SEMA5A: variants seen among roughly 807,000 people sequenced by gnomAD.
SEMA5A encodes the protein semaphorin-5A.
A neutral mutation model predicts 135.5 loss-of-function variants in SEMA5A; 55 were observed. That is an observed-to-expected ratio of 0.41 (90% CI 0.33 to 0.51). SEMA5A has a LOEUF of 0.51. SEMA5A is among the 20% of genes least tolerant of loss of function. The pLI, the probability that SEMA5A is intolerant of heterozygous loss-of-function variation, is 0.37. For missense variants in SEMA5A, 1,290 were observed against 1,419.9 expected (o/e 0.91, Z 1.47); for synonymous variants, 580 against 546.5 (o/e 1.06, Z -0.85).
At chr5:9,376,353 C>T (rs1755363039) in intron 3 of SEMA5A, among the ~76,000 whole-genome samples, 1 of 152,208 alleles carries the variant, frequency 6.6e-6, no homozygotes, top group African/African-American at 2.4e-5. Flanking sequence ...GGGCTTATCA[C>T]TTGCTCTTTT....
chr5:9,405,032 G>A (rs1246843692), intron 2 of SEMA5A, among the ~76,000 whole-genome samples: 1 of 152,158 alleles, frequency 6.6e-6, no homozygotes, highest in Admixed American at 6.5e-5. Flanking sequence ...GCAAATTCTA[G>A]AGTTACAGAA....
At chr5:9,262,785 T>C (rs1749459379) in intron 5 of SEMA5A, among the ~76,000 whole-genome samples, 1 of 111,168 alleles carries the variant, frequency 9.0e-6, no homozygotes, top group Non-Finnish European at 1.8e-5. Context: ...TTGGGAGATA[T>C]ACCTAATGCT....
intron 3 of SEMA5A, among the ~76,000 whole-genome samples, chr5:9,342,194 A>G (rs1579377121): frequency 6.6e-6 from 1 of 152,338 alleles, no homozygotes; most frequent in Middle Eastern, 3.4e-3. Flanking sequence ...TAGCCAAGGT[A>G]ATGATGTTTG....
At chr5:9,458,204 G>T (rs578031973) in intron 1 of SEMA5A, among the ~76,000 whole-genome samples, 4 of 151,174 alleles carry the variant, frequency 2.6e-5, no homozygotes, top group African/African-American at 9.7e-5. Flanking sequence ...ACCGCGCCTG[G>T]CCCAGCATCT....
chr5:9,080,779 C>T (rs1242240931), intron 16 of SEMA5A, among the ~76,000 whole-genome samples: 1 of 152,156 alleles, frequency 6.6e-6, no homozygotes, highest in Non-Finnish European at 1.5e-5. Flanking sequence ...CCATCACCTG[C>T]ACCCTGACTC....
chr5:9,133,512 C>T (rs920893792), intron 13 of SEMA5A, among the ~76,000 whole-genome samples: 54 of 152,060 alleles, frequency 3.6e-4, no homozygotes, highest in Non-Finnish European at 4.4e-5. Flanking sequence ...TAATGAAATA[C>T]CCTGTCATCA....
intron 9 of SEMA5A, among the ~76,000 whole-genome samples, chr5:9,201,043 T>C (rs1371325148): frequency 6.6e-6 from 1 of 152,236 alleles, no homozygotes; most frequent in Non-Finnish European, 1.5e-5. Context: ...GATCCTTTAC[T>C]TTGCATACAA....
intron 5 of SEMA5A, among the ~76,000 whole-genome samples, chr5:9,240,926 C>A (rs1748157998): frequency 6.6e-6 from 1 of 152,230 alleles, no homozygotes; most frequent in African/African-American, 2.4e-5. Flanking sequence ...CTCAACCCAA[C>A]ATTCATAGTC....
At chr5:9,103,707 G>A (rs1224632725) in intron 16 of SEMA5A, among the ~76,000 whole-genome samples, 1 of 152,138 alleles carries the variant, frequency 6.6e-6, no homozygotes, top group Admixed American at 6.5e-5. Flanking sequence ...CTCTGATACA[G>A]CAAAAAATAA....
chr5:9,364,115 T>G (rs997488822), intron 3 of SEMA5A, among the ~76,000 whole-genome samples: 3 of 152,242 alleles, frequency 2.0e-5, no homozygotes, highest in Admixed American at 6.5e-5. Context: ...CTTTCCTTGC[T>G]AAGTTAATTT....
At chr5:9,094,338 T>C (rs969380814) in intron 16 of SEMA5A, among the ~76,000 whole-genome samples, 1 of 152,200 alleles carries the variant, frequency 6.6e-6, no homozygotes, top group African/African-American at 2.4e-5. Flanking sequence ...TCATGTGAGA[T>C]CACACCAAGC....
chr5:9,214,223 C>T (rs567930963), intron 8 of SEMA5A, among the ~76,000 whole-genome samples: 57 of 152,168 alleles, frequency 3.7e-4, no homozygotes, highest in African/African-American at 1.4e-3. Context: ...TAGCAGGAGC[C>T]AGGGCTGTAA....
Position 9,054,176 on chromosome 5 carries a change from G to A in SEMA5A, c.2600C>T (p.Ser867Phe). 2 of 1,614,040 alleles carry A rather than the reference G, an allele frequency of 1.2e-6. No homozygotes were observed. The highest frequency in any genetic ancestry group is 1.7e-6 in the Non-Finnish European group (2 of 1,180,004). The change falls in exon 19 of 23, where the codon TCT becomes TTT. Residue 867 changes from serine (S) to phenylalanine (F), a missense_variant. By Grantham distance (155) the Ser-to-Phe change is radical. This residue lies in a region of SEMA5A where 1,029 missense variants were observed against 1,086.6 expected (regional missense o/e 0.95). Coordinates refer to ENST00000382496, the MANE Select transcript of SEMA5A (RefSeq NM_003966.3). ...CGGGHYMRTR[S>F]CSNPAPAYGG... ...ATAGGCCGGGGCTGGATTGGAGCAA[G>A]AGCGGGTCCTCATATAGTGTCCACC...
At chr5:9,486,232 G>T (rs1352058204) in intron 1 of SEMA5A, among the ~76,000 whole-genome samples, 1 of 152,110 alleles carries the variant, frequency 6.6e-6, no homozygotes, top group Non-Finnish European at 1.5e-5. Context: ...AGAACACATG[G>T]ACACAGGGAG....
intron 8 of SEMA5A, among the ~76,000 whole-genome samples, chr5:9,220,082 T>C (rs777746311): frequency 3.9e-5 from 6 of 152,218 alleles, no homozygotes; most frequent in Non-Finnish European, 8.8e-5. Context: ...GAGATCATTA[T>C]TCCAAGGGGA....
chr5:9,050,928 A>G (rs1336218296), intron 20 of SEMA5A, among the ~76,000 whole-genome samples: 1 of 152,226 alleles, frequency 6.6e-6, no homozygotes, highest in Non-Finnish European at 1.5e-5. Context: ...TCAGGAGGCC[A>G]CTGATGCTCT....
At chr5:9,159,734 T>C (rs1016713361) in intron 11 of SEMA5A, among the ~76,000 whole-genome samples, 3 of 152,206 alleles carry the variant, frequency 2.0e-5, no homozygotes, top group African/African-American at 2.4e-5. Flanking sequence ...ATCATTCTAC[T>C]ATAAAGCCAC....
At chr5:9,100,347 G>A (rs1283731441) in intron 16 of SEMA5A, among the ~76,000 whole-genome samples, 1 of 152,096 alleles carries the variant, frequency 6.6e-6, no homozygotes, top group Non-Finnish European at 1.5e-5. Context: ...TCAGTTCTTT[G>A]CCAGACACAT....
intron 16 of SEMA5A, among the ~76,000 whole-genome samples, chr5:9,072,570 T>C (rs1179369688): frequency 6.6e-6 from 1 of 152,162 alleles, no homozygotes; most frequent in East Asian, 1.9e-4. Context: ...GGAACAGTGC[T>C]TGCTTCAAAG....
Sources: allele counts gnomAD v4.1 joint callset (sites outside exome capture counted in the v4.1 genomes callset), GRCh38; gene constraint gnomAD v4.1.1; regional missense constraint gnomAD v4.1.1; transcripts MANE v1.5; gene names NCBI Gene and HGNC (gene_info 2026-07-23, HGNC 2026-07-21).